GLG1: variants seen among roughly 807,000 people sequenced by gnomAD.
GLG1 encodes Golgi apparatus protein 1.
Under a neutral mutation model 160.5 loss-of-function variants are expected in GLG1, and 38 were observed. That is an observed-to-expected ratio of 0.24 (90% CI 0.18 to 0.31). The LOEUF (loss-of-function observed/expected upper bound fraction) is 0.31, where lower values mean the gene tolerates loss of function less well. Ranked by LOEUF, GLG1 falls within the 10% of genes least tolerant of loss-of-function variation. The probability of loss-of-function intolerance (pLI) is 1.00; values close to 1 mark genes in which losing one functional copy is unlikely to be tolerated. For missense variants in GLG1, 1,373 were observed against 1,505.2 expected (o/e 0.91, Z 1.45); for synonymous variants, 644 against 543.4 (o/e 1.19, Z -2.57).
intron 1 of GLG1, among the ~76,000 whole-genome samples, chr16:74,575,142 G>C (rs1422854203): frequency 2.0e-5 from 3 of 149,972 alleles, no homozygotes; most frequent in African/African-American, 7.4e-5. Context: ...AGCTACTCAG[G>C]AGGCTGAGGC....
chr16:74,483,112 G>A lies in GLG1; in HGVS notation c.1584C>T (p.Cys528=), dbSNP rs1461879136. Reference sequence around the variant, plus strand: ...TCTCTGTGTATAAATGTTCCATCAGGCACGACAAGATCCTAGCCATTAAAT... The same window carrying A: ...TCTCTGTGTATAAATGTTCCATCAGACACGACAAGATCCTAGCCATTAAAT... The part of the protein sequence containing the change: ...IRSGDPMILS[C]LMEHLYTEKM... Residue 528 remains cysteine, a synonymous_variant, in exon 10 of 26, where the codon TGC becomes TGT. Transcript: ENST00000422840. 1.3e-6 allele frequency: 2 copies of A among 1,595,236 alleles called. No individual in the cohort carries two copies. Among genetic ancestry groups the A allele is most frequent in the Non-Finnish European group, 8.6e-7 (1 of 1,163,194 alleles).
intron 25 of GLG1, 127 bp downstream of exon 25, chr16:74,456,522 T>C (rs758243667): frequency 1.1e-5 from 8 of 696,406 alleles, no homozygotes; most frequent in African/African-American, 5.4e-5. Context: ...CAGTGCGATA[T>C]CTAAAAGAGG....
At chr16:74,463,757 C>A in intron 19 of GLG1, 1 of 353,252 alleles carries the variant, frequency 2.8e-6, no homozygotes, top group Non-Finnish European at 5.2e-6. Context: ...GTTGTTTTAG[C>A]AGAGATGAGG....
chr16:74,537,685 A>G (rs984919812), intron 1 of GLG1, among the ~76,000 whole-genome samples: 2 of 145,950 alleles, frequency 1.4e-5, no homozygotes, highest in Non-Finnish European at 3.0e-5. Flanking sequence ...TTCCAGCTTT[A>G]TGAGTCCATA....
At chr16:74,501,764 CTAAA>C (rs956513007) in intron 4 of GLG1, among the ~76,000 whole-genome samples, 1 of 152,210 alleles carries the variant, frequency 6.6e-6, no homozygotes, top group Non-Finnish European at 1.5e-5. Flanking sequence ...TTTCAACATC[CTAAA>C]TAAAGTCAGA....
intron 1 of GLG1, among the ~76,000 whole-genome samples, chr16:74,559,176 T>C (rs1447487119): frequency 1.3e-5 from 2 of 152,218 alleles, no homozygotes; most frequent in Non-Finnish European, 2.9e-5. Context: ...TGGCCTTTTA[T>C]TTTTTAAACG....
intron 2 of GLG1, among the ~76,000 whole-genome samples, chr16:74,512,593 T>A (rs2016849574): frequency 6.6e-6 from 1 of 151,792 alleles, no homozygotes; most frequent in Non-Finnish European, 1.5e-5. Context: ...TCCATGAATC[T>A]ATCTGTTCAT....
chr16:74,589,479 G>A (rs1028603051), intron 1 of GLG1, among the ~76,000 whole-genome samples: 2 of 152,080 alleles, frequency 1.3e-5, no homozygotes, highest in South Asian at 2.1e-4. Flanking sequence ...CCAAACCACT[G>A]ATATAAAATA....
At chr16:74,521,683 G>A (rs1020321707) in intron 2 of GLG1, among the ~76,000 whole-genome samples, 1 of 152,160 alleles carries the variant, frequency 6.6e-6, no homozygotes, top group Non-Finnish European at 1.5e-5. Context: ...AGCAGCTAAA[G>A]TCTGAGGTTC....
chr16:74,489,587 A>C (rs761538745), intron 8 of GLG1, among the ~76,000 whole-genome samples: 9 of 152,172 alleles, frequency 5.9e-5, no homozygotes, highest in Non-Finnish European at 1.3e-4. Context: ...TCTGGGTCCC[A>C]GGACCCACAC....
intron 1 of GLG1, among the ~76,000 whole-genome samples, chr16:74,582,008 G>C (rs573215817): frequency 6.6e-6 from 1 of 152,080 alleles, no homozygotes; most frequent in Non-Finnish European, 1.5e-5. Flanking sequence ...CCTCTCTTGC[G>C]TAGCATTTTA....
intron 1 of GLG1, among the ~76,000 whole-genome samples, chr16:74,561,516 A>G (rs1401996642): frequency 6.6e-6 from 1 of 152,206 alleles, no homozygotes; most frequent in East Asian, 1.9e-4. Flanking sequence ...GAACTTTAAT[A>G]AAGAGACTGG....
intron 2 of GLG1, among the ~76,000 whole-genome samples, chr16:74,519,847 A>G (rs1435911447): frequency 6.6e-6 from 1 of 152,184 alleles, no homozygotes; most frequent in East Asian, 1.9e-4. Flanking sequence ...AACTTACACT[A>G]TAAAAGATGA....
chr16:74,601,194 C>T (rs1023595420), intron 1 of GLG1, among the ~76,000 whole-genome samples: 5 of 151,700 alleles, frequency 3.3e-5, no homozygotes, highest in Non-Finnish European at 7.4e-5. Flanking sequence ...GGAACTGGTA[C>T]ATATATAATC....
At chr16:74,494,124 G>A (rs1480125126) in intron 6 of GLG1, among the ~76,000 whole-genome samples, 2 of 150,322 alleles carry the variant, frequency 1.3e-5, no homozygotes, top group African/African-American at 2.4e-5. Context: ...ACAGTGAGCC[G>A]AATCATGCCA....
chr16:74,484,683 C>T (rs2015728788), intron 9 of GLG1, among the ~76,000 whole-genome samples: 1 of 152,262 alleles, frequency 6.6e-6, no homozygotes, highest in East Asian at 1.9e-4. Flanking sequence ...ACTGCTTGAA[C>T]TGGGATCCGG....
intron 1 of GLG1, 40 bp from the exon 2 acceptor site, chr16:74,532,193 AAT>A (rs60422817): frequency 0.12 from 38,507 of 321,914 alleles, 946 homozygotes; most frequent in Non-Finnish European, 0.13. Context: ...TAAAAAAAAA[AAT>A]ATATATATAT....
intron 1 of GLG1, among the ~76,000 whole-genome samples, chr16:74,538,427 A>T (rs1454416838): frequency 6.6e-6 from 1 of 152,134 alleles, no homozygotes; most frequent in African/African-American, 2.4e-5. Flanking sequence ...AAATAAACCC[A>T]ATCTTTTACC....
chr16:74,517,903 AT>A (rs1402128915), intron 2 of GLG1, among the ~76,000 whole-genome samples: 1 of 152,196 alleles, frequency 6.6e-6, no homozygotes, highest in African/African-American at 2.4e-5. Flanking sequence ...CTATAAATCA[AT>A]AACAGACAAA....
Sources: allele counts gnomAD v4.1 joint callset (sites outside exome capture counted in the v4.1 genomes callset), GRCh38; gene constraint gnomAD v4.1.1; transcripts MANE v1.5; gene names NCBI Gene and HGNC (gene_info 2026-07-23, HGNC 2026-07-21).